Variants in PLEKHA3 observed in about 807,000 individuals in gnomAD.
PLEKHA3 encodes pleckstrin homology domain-containing family A member 3.
In PLEKHA3, 19 loss-of-function variants were observed where a neutral mutation model predicts 39.2. The observed-to-expected ratio is 0.48, with a 90% CI of 0.34 to 0.71. PLEKHA3 has a LOEUF of 0.71. PLEKHA3 is among the 30% of genes least tolerant of loss of function. The pLI is 0.01. For missense variants in PLEKHA3, 253 were observed against 359.5 expected (o/e 0.70, Z 2.40); for synonymous variants, 97 against 118.6 (o/e 0.82, Z 1.18).
Position 178,501,415 on chromosome 2 carries a change from T to C in PLEKHA3, c.775+239T>C, listed in dbSNP as rs77778904. On this transcript the variant is annotated intron_variant, in intron 7 of 7. Transcript: ENST00000234453. ...CTTTGTAAATATCGTATCTCAGATATATATTTATAGAATATCATGATCTTT... is the reference window on the plus strand; with the variant it reads ...CTTTGTAAATATCGTATCTCAGATACATATTTATAGAATATCATGATCTTT... Among the ~76,000 whole-genome samples the C allele has an allele frequency of 7.3e-3, 1,111 of 152,114 alleles. 17 individuals are homozygous for C. Among genetic ancestry groups the C allele is most frequent in the African/African-American group, 0.025 (1,052 of 41,546 alleles).
chr2:178,497,512 G>C (rs1163391152), intron 5 of PLEKHA3, among the ~76,000 whole-genome samples: 1 of 152,204 alleles, frequency 6.6e-6, no homozygotes, highest in African/African-American at 2.4e-5. Context: ...TTACAGGCGT[G>C]AGACACTGCG....
chr2:178,505,901 T>C lies in PLEKHA3; in HGVS notation c.*2014T>C, dbSNP rs1454227622. 1 of 152,140 alleles carries C rather than the reference T, an allele frequency of 6.6e-6. No homozygotes were observed. The highest frequency in any genetic ancestry group is 1.5e-5 in the Non-Finnish European group (1 of 67,998). 9.4% of individuals were successfully genotyped at this position (152,140 alleles called of 1,614,324 possible). A position where few individuals can be genotyped will look rare whatever the true frequency, so the allele number is the denominator to read the frequency against. ...TTTTGTTATGACTTGGAGCCACTTT[T>C]TGTTGTTATTGTTAGGAACCAAACA... On this transcript the variant is annotated 3_prime_UTR_variant, in exon 8 of 8. Transcript: ENST00000234453.
At chr2:178,481,978 G>C (rs1413674603) in intron 1 of PLEKHA3, 1 of 153,642 alleles carries the variant, frequency 6.5e-6, no homozygotes, top group Non-Finnish European at 1.5e-5. Flanking sequence ...AAAATGTGCA[G>C]GTAAACTTTT....
chr2:178,499,911 A>G (rs1445072096), intron 6 of PLEKHA3, among the ~76,000 whole-genome samples: 1 of 151,938 alleles, frequency 6.6e-6, no homozygotes, highest in East Asian at 1.9e-4. Flanking sequence ...ATGTGTTGAG[A>G]CTCCACAGCT....
chr2:178,486,881 C>G (rs573999135), intron 2 of PLEKHA3, among the ~76,000 whole-genome samples: 5 of 152,280 alleles, frequency 3.3e-5, no homozygotes, highest in African/African-American at 1.2e-4. Context: ...TAGTGTATCT[C>G]TAGAAGTGGA....
chr2:178,501,688 A>G (rs1685531515), intron 7 of PLEKHA3, among the ~76,000 whole-genome samples: 1 of 151,972 alleles, frequency 6.6e-6, no homozygotes, highest in Non-Finnish European at 1.5e-5. Context: ...TTTTTAGGAA[A>G]GGTTTTGTGA....
chr2:178,491,670 T>G (rs76583975), intron 3 of PLEKHA3, among the ~76,000 whole-genome samples: 1 of 152,376 alleles, frequency 6.6e-6, no homozygotes, highest in Non-Finnish European at 1.5e-5. Flanking sequence ...AATGACAATT[T>G]CTTGATAGTG....
intron 2 of PLEKHA3, among the ~76,000 whole-genome samples, chr2:178,487,365 G>A (rs1305070515): frequency 6.6e-6 from 1 of 152,176 alleles, no homozygotes; most frequent in Non-Finnish European, 1.5e-5. Flanking sequence ...GGTGAGTACA[G>A]GATTCAAATG....
In PLEKHA3 at chr2:178,513,802, A is replaced by C. The variant is rs191987668; in HGVS notation, c.*9915A>C. The C allele has an allele frequency of 6.6e-6, 1 of 152,078 alleles. No homozygotes were observed. The highest frequency in any genetic ancestry group is 2.4e-5 in the African/African-American group (1 of 41,396). The allele number at this position is 152,078 out of a possible 1,614,324, so 9.4% of individuals were successfully genotyped here. A position where few individuals can be genotyped will look rare whatever the true frequency, so the allele number is the denominator to read the frequency against. On this transcript the variant is annotated 3_prime_UTR_variant, in exon 8 of 8. Coordinates refer to ENST00000234453, the MANE Select transcript of PLEKHA3 (RefSeq NM_019091.4). ...TATGGCCTACAGATAGTAAGGGTTA[A>C]CCACCCAGATTTTTGTCAGATAATA...
chr2:178,499,425 T>C (rs772672932), intron 6 of PLEKHA3, among the ~76,000 whole-genome samples, 171 bp downstream of exon 6: 2 of 152,146 alleles, frequency 1.3e-5, no homozygotes, highest in Non-Finnish European at 2.9e-5. Flanking sequence ...TATAAGGGCC[T>C]GGCCTCAGTA....
intron 7 of PLEKHA3, chr2:178,502,419 AGAGAAGAG>A: frequency 2.4e-6 from 1 of 413,292 alleles, no homozygotes; most frequent in South Asian, 1.8e-5. Context: ...AAGACCTGGA[AGAGAAGAG>A]GAGGAGAGGA....
rs925635699 is a variant in PLEKHA3, at chr2:178,511,263, T to C, written c.*7376T>C. On this transcript the variant is annotated 3_prime_UTR_variant, in exon 8 of 8. Transcript: ENST00000234453. ...AGTGGCTAAAGAAAACAGTGCCTGC[T>C]ATTAGCTTGATGCTGGCATTTTCTT... is the stretch of plus-strand genomic sequence containing the variant. The C allele has an allele frequency of 1.3e-5, 2 of 152,220 alleles. No individual in the cohort carries two copies. Among genetic ancestry groups the C allele is most frequent in the African/African-American group, 4.8e-5 (2 of 41,462 alleles). The allele number at this position is 152,220 out of a possible 1,614,324, so 9.4% of individuals were successfully genotyped here.
rs1200384597 is a variant in PLEKHA3, at chr2:178,508,708, G to C, written c.*4821G>C. 1 of 153,668 alleles carries C rather than the reference G, an allele frequency of 6.5e-6. No homozygotes were observed. Among genetic ancestry groups the C allele is most frequent in the Non-Finnish European group, 1.5e-5 (1 of 68,020 alleles). 9.5% of individuals were successfully genotyped at this position (153,668 alleles called of 1,614,324 possible). Reference sequence around the variant, plus strand: ...GATAGTAGGGTAAGAAAAGACAGCTGAGGACCCCAAGATTTGTATGATGAC... The same window carrying C: ...GATAGTAGGGTAAGAAAAGACAGCTCAGGACCCCAAGATTTGTATGATGAC... On this transcript the variant is annotated 3_prime_UTR_variant, in exon 8 of 8. Transcript: ENST00000234453.
intron 7 of PLEKHA3, 22 bp downstream of exon 7, chr2:178,501,198 T>G (rs1474106931): frequency 6.4e-7 from 1 of 1,571,570 alleles, no homozygotes; most frequent in East Asian, 2.2e-5. Flanking sequence ...AGATTCTGTC[T>G]CTTTCTTTGG....
In PLEKHA3 at chr2:178,508,944, C is replaced by T. The variant is rs1023308936; in HGVS notation, c.*5057C>T. ...TAGTCCTGATTTCAGCCCTATACCT[C>T]ACTCTCATCTTCTACAATACCTAGT... On this transcript the variant is annotated 3_prime_UTR_variant, in exon 8 of 8. Transcript: ENST00000234453. 5 of 153,794 alleles carry T rather than the reference C, an allele frequency of 3.3e-5. No individual in the cohort carries two copies. The highest frequency in any genetic ancestry group is 1.2e-4 in the African/African-American group (5 of 41,436). The allele number at this position is 153,794 out of a possible 1,614,324, so 9.5% of individuals were successfully genotyped here.
chr2:178,490,858 T>A, intron 3 of PLEKHA3, 44 bp downstream of exon 3: 1 of 1,458,416 alleles, frequency 6.9e-7, no homozygotes, highest in Non-Finnish European at 9.2e-7. Flanking sequence ...CTTTCTTAAA[T>A]ATAAATATAA....
chr2:178,503,851 T>A lies in PLEKHA3; in HGVS notation c.867T>A (p.Ser289=), dbSNP rs373676391. Residue 289 remains serine, a synonymous_variant, in exon 8 of 8, where the codon TCT becomes TCA. Transcript: ENST00000234453. ...GCAGACTTATGGCCAAAAAACAATCTGAATCAGAAGATACTCTTCCATCCT... is the reference window on the plus strand; with the variant it reads ...GCAGACTTATGGCCAAAAAACAATCAGAATCAGAAGATACTCTTCCATCCT... The part of the protein sequence containing the change: ...EESRLMAKKQ[S]ESEDTLPSFS... 6.2e-7 allele frequency: 1 copy of A among 1,611,898 alleles called. No homozygotes were observed. Among genetic ancestry groups the A allele is most frequent in the Non-Finnish European group, 8.5e-7 (1 of 1,178,334 alleles).
At chr2:178,494,150 C>A (rs1164019425) in intron 4 of PLEKHA3, among the ~76,000 whole-genome samples, 161 bp downstream of exon 4, 1 of 152,128 alleles carries the variant, frequency 6.6e-6, no homozygotes, top group Non-Finnish European at 1.5e-5. Flanking sequence ...AGCATCTTCT[C>A]GATTGTGTCT....
At chr2:178,502,323 A>C in intron 7 of PLEKHA3, 1 of 400,424 alleles carries the variant, frequency 2.5e-6, no homozygotes, top group Non-Finnish European at 5.0e-6. Flanking sequence ...TAACATTTTG[A>C]ATTTAAATTG....
Sources: allele counts gnomAD v4.1 joint callset (sites outside exome capture counted in the v4.1 genomes callset), GRCh38; gene constraint gnomAD v4.1.1; transcripts MANE v1.5; gene names NCBI Gene and HGNC (gene_info 2026-07-23, HGNC 2026-07-21).